Variants in UBXN4 observed in about 807,000 individuals in gnomAD.
UBXN4 encodes UBX domain protein 4.
A neutral mutation model predicts 66.2 loss-of-function variants in UBXN4; 35 were observed. That is an observed-to-expected ratio of 0.53 (90% CI 0.40 to 0.70). The LOEUF is 0.70. Among genes scored for constraint, UBXN4 ranks in the 30% least tolerant of loss-of-function variants. UBXN4 has a pLI of 0.00. For missense variants in UBXN4, 533 were observed against 599.8 expected, an observed-to-expected ratio of 0.89 and a Z score of 1.16; for synonymous variants, 203 against 204.5, an observed-to-expected ratio of 0.99 and a Z score of 0.06.
At chr2:135,780,493 C>G (rs1408879687) in intron 12 of UBXN4, 108 bp downstream of exon 12, 6 of 986,390 alleles carry the variant, frequency 6.1e-6, no homozygotes, top group Middle Eastern at 6.0e-4. Context: ...CTCTCCAGTT[C>G]CCACGGTGGA....
At chr2:135,747,727 C>T (rs773219685) in intron 1 of UBXN4, 7 of 455,752 alleles carry the variant, frequency 1.5e-5, no homozygotes, top group South Asian at 3.1e-5. Flanking sequence ...TTCCACCTTC[C>T]GAGTGCAAGC....
intron 6 of UBXN4, 84 bp downstream of exon 6, chr2:135,761,995 G>A: frequency 1.5e-6 from 2 of 1,353,330 alleles, no homozygotes; most frequent in Admixed American, 2.6e-5. Context: ...TAAAGCTAAA[G>A]TTATACAAAT....
chr2:135,780,422 A>T, intron 12 of UBXN4, 37 bp downstream of exon 12: 1 of 1,588,632 alleles, frequency 6.3e-7, no homozygotes. Context: ...TAAAATATGT[A>T]AGTCATGCCC....
At chr2:135,751,241 C>A (rs914353588) in intron 2 of UBXN4, among the ~76,000 whole-genome samples, 1 of 150,996 alleles carries the variant, frequency 6.6e-6, no homozygotes, top group South Asian at 2.1e-4. Flanking sequence ...GGCTGGAGTG[C>A]AGTAACGTGA....
At chr2:135,750,963 C>G (rs1225021863) in intron 2 of UBXN4, among the ~76,000 whole-genome samples, 5 of 144,084 alleles carry the variant, frequency 3.5e-5, no homozygotes, top group African/African-American at 1.3e-4. Flanking sequence ...TCACGCCATT[C>G]TCCTGCCTCA....
chr2:135,772,604 A>G (rs2077390424), intron 9 of UBXN4, 57 bp downstream of exon 9: 2 of 1,601,048 alleles, frequency 1.2e-6, no homozygotes, highest in African/African-American at 1.3e-5. Flanking sequence ...GAGAATGATT[A>G]TAAGCTGGTT....
At chr2:135,746,450 A>G (rs1439317878) in intron 1 of UBXN4, among the ~76,000 whole-genome samples, 1 of 152,204 alleles carries the variant, frequency 6.6e-6, no homozygotes. Context: ...AAAAATGCAT[A>G]GTATATTGGA....
chr2:135,777,559 G>A (rs570279028), intron 10 of UBXN4, among the ~76,000 whole-genome samples: 1 of 152,276 alleles, frequency 6.6e-6, no homozygotes, highest in East Asian at 1.9e-4. Context: ...AAATGGAGAA[G>A]GGACTACATC....
At chr2:135,768,301 C>T (rs1383017976) in intron 6 of UBXN4, among the ~76,000 whole-genome samples, 1 of 151,874 alleles carries the variant, frequency 6.6e-6, no homozygotes, top group African/African-American at 2.4e-5. Context: ...CAGGTTCAAG[C>T]GATTCTCCTG....
chr2:135,764,504 GTTAT>G (rs940684674), intron 6 of UBXN4, among the ~76,000 whole-genome samples: 5 of 151,972 alleles, frequency 3.3e-5, no homozygotes, highest in East Asian at 1.9e-4. Flanking sequence ...ATATACAATG[GTTAT>G]TTATTTATTT....
chr2:135,752,343 G>C (rs911218124), intron 2 of UBXN4, among the ~76,000 whole-genome samples: 2 of 152,178 alleles, frequency 1.3e-5, no homozygotes, highest in South Asian at 2.1e-4. Context: ...CACCACGCCA[G>C]GCCAATTTTT....
intron 1 of UBXN4, among the ~76,000 whole-genome samples, chr2:135,747,284 A>G (rs984810447): frequency 6.1e-5 from 9 of 148,008 alleles, no homozygotes; most frequent in Admixed American, 4.2e-4. Context: ...GGAGGCAGAG[A>G]TTGCAATGAG....
At chr2:135,774,008 T>C (rs185743207) in intron 9 of UBXN4, among the ~76,000 whole-genome samples, 1 of 152,252 alleles carries the variant, frequency 6.6e-6, no homozygotes, top group Admixed American at 6.5e-5. Context: ...TCCAGCTGGC[T>C]TTTTTCCATA....
rs772607547 is a variant in UBXN4 at position 135,748,392 on chromosome 2, TATTA to T, written c.185+27_185+30del. ...AAGGTTTGTTTATGTTTTAATATTT[TATTA>T]ATTTTAAAATTTATAAGTATTGTCT... On this transcript the variant is annotated intron_variant, in intron 2 of 12. Coordinates refer to ENST00000272638, the MANE Select transcript of UBXN4 (RefSeq NM_014607.4). 1.6e-5 allele frequency: 23 copies of T among 1,478,800 alleles called. No individual in the cohort carries two copies. In the Admixed American group the frequency reaches 4.2e-4, roughly 27 times the overall value. 91.6% of individuals were successfully genotyped at this position (1,478,800 alleles called of 1,614,324 possible).
intron 8 of UBXN4, 78 bp from the exon 9 acceptor site, chr2:135,772,342 C>G: frequency 6.5e-7 from 1 of 1,530,568 alleles, no homozygotes; most frequent in Admixed American, 2.0e-5. Flanking sequence ...AAAAAAAATT[C>G]CATGCATATT....
chr2:135,767,547 T>C (rs1051578526), intron 6 of UBXN4, among the ~76,000 whole-genome samples: 4 of 152,190 alleles, frequency 2.6e-5, no homozygotes, highest in African/African-American at 9.7e-5. Context: ...TCTCCTTTGT[T>C]CAGCTTTGTA....
intron 5 of UBXN4, among the ~76,000 whole-genome samples, chr2:135,759,001 C>A (rs1404181228): frequency 6.6e-6 from 1 of 152,168 alleles, no homozygotes; most frequent in Admixed American, 6.5e-5. Context: ...TCAGGTGATA[C>A]GCCTGCCTCA....
At position 135,782,965 on chromosome 2, in the gene UBXN4, G is replaced by A; in HGVS notation, c.*78G>A. ...AACTAAAATTCTACTGGAGAAGTGG[G>A]ACTGCTTTATATTTTCCAACTGGTC... is the stretch of plus-strand genomic sequence containing the variant. On this transcript the variant is annotated 3_prime_UTR_variant, in exon 13 of 13. Transcript: ENST00000272638. 4.1e-6 allele frequency: 6 copies of A among 1,470,546 alleles called. No individual in the cohort carries two copies. Among genetic ancestry groups the A allele is most frequent in the Non-Finnish European group, 5.5e-6 (6 of 1,081,490 alleles). The allele number at this position is 1,470,546 out of a possible 1,614,324, so 91.1% of individuals were successfully genotyped here.
At chr2:135,748,167 G>A (rs1371991248) in intron 1 of UBXN4, 100 bp from the exon 2 acceptor site, 6 of 860,538 alleles carry the variant, frequency 7.0e-6, no homozygotes, top group Middle Eastern at 2.4e-4. Flanking sequence ...AGTGGTATAG[G>A]TGGGATTATA....
Sources: allele counts gnomAD v4.1 joint callset (sites outside exome capture counted in the v4.1 genomes callset), GRCh38; gene constraint gnomAD v4.1.1; transcripts MANE v1.5; gene names NCBI Gene and HGNC (gene_info 2026-07-23, HGNC 2026-07-21).